The following ZNF254 variants were observed in gnomAD, a reference collection of about 807,000 sequenced individuals.
The protein encoded by ZNF254 is zinc finger protein 254.
In ZNF254, 10 loss-of-function variants were observed where a neutral mutation model predicts 12.4. The ratio of observed to expected loss-of-function variants is 0.80; its 90% CI spans 0.50 to 1.36. The LOEUF is 1.36. Ranked by LOEUF, ZNF254 falls within the 40% of genes most tolerant of loss-of-function variation. The probability of loss-of-function intolerance (pLI) is 0.00; values close to 1 mark genes in which losing one functional copy is unlikely to be tolerated. For synonymous variants in ZNF254, 305 were observed against 253.4 expected (o/e 1.20, Z -1.93); for missense variants, 996 against 763.9 (o/e 1.30, Z -3.58).
chr19:24,123,515 A>G (rs929522537), intron 3 of ZNF254, among the ~76,000 whole-genome samples: 6 of 152,086 alleles, frequency 3.9e-5, no homozygotes, highest in Non-Finnish European at 8.8e-5. Context: ...ATATCTTGCT[A>G]TAATTGTATT....
intron 2 of ZNF254, chr19:24,066,697 A>G (rs1971282696): frequency 9.0e-6 from 1 of 110,762 alleles, no homozygotes; most frequent in Non-Finnish European, 1.7e-5. Flanking sequence ...ACAAAACAAA[A>G]CAAAACAAAA....
At chr19:24,123,597 C>G (rs1218165289) in intron 3 of ZNF254, among the ~76,000 whole-genome samples, 3 of 152,004 alleles carry the variant, frequency 2.0e-5, no homozygotes, top group Non-Finnish European at 4.4e-5. Flanking sequence ...GAGACACACA[C>G]ACACACACCT....
At chr19:24,100,827 C>CTTT (rs1199496892) in intron 1 of ZNF254, among the ~76,000 whole-genome samples, 3 of 129,870 alleles carry the variant, frequency 2.3e-5, no homozygotes, top group East Asian at 4.4e-4. Context: ...GTTGTGTCAG[C>CTTT]TTTTTTTTTT....
At chr19:24,045,737 TC>T (rs1970360547) in intron 1 of ZNF254, among the ~76,000 whole-genome samples, 1 of 150,752 alleles carries the variant, frequency 6.6e-6, no homozygotes, top group African/African-American at 2.4e-5. Flanking sequence ...GCGCTAGCCA[TC>T]TCTCGGTCGC....
intron 1 of ZNF254, among the ~76,000 whole-genome samples, chr19:24,089,222 C>T (rs562252588): frequency 1.3e-5 from 2 of 152,200 alleles, no homozygotes; most frequent in Middle Eastern, 3.4e-3. Flanking sequence ...GTGATACGCC[C>T]GCCTTGGCCT....
At chr19:24,120,449 T>A (rs975893727) in intron 3 of ZNF254, among the ~76,000 whole-genome samples, 3 of 152,170 alleles carry the variant, frequency 2.0e-5, no homozygotes, top group Non-Finnish European at 2.9e-5. Context: ...AAAATTATTT[T>A]GTGTATTAAC....
chr19:24,039,326 T>G (rs11880244), intron 1 of ZNF254, among the ~76,000 whole-genome samples: 24,325 of 152,234 alleles, frequency 0.16, 2,122 homozygotes, highest in Middle Eastern at 0.23. Context: ...CCAAGGGAAG[T>G]TAGGGCCACA....
At chr19:24,120,935 C>T (rs533717437) in intron 3 of ZNF254, among the ~76,000 whole-genome samples, 9 of 152,048 alleles carry the variant, frequency 5.9e-5, no homozygotes, top group East Asian at 3.9e-4. Context: ...TGCAAACTCT[C>T]GCTGTATTAT....
intron 2 of ZNF254, among the ~76,000 whole-genome samples, chr19:24,067,610 C>T (rs947309064): frequency 6.6e-6 from 1 of 152,014 alleles, no homozygotes; most frequent in African/African-American, 2.4e-5. Context: ...GGGTCTTTTA[C>T]CTAGGTGATG....
At chr19:24,106,668 T>C (rs754487481) in intron 3 of ZNF254, 25 bp downstream of exon 3, 2 of 1,546,634 alleles carry the variant, frequency 1.3e-6, no homozygotes, top group South Asian at 2.2e-5. Context: ...ATACAACAGA[T>C]GACATGGATG....
chr19:24,090,051 A>T (rs981761907), intron 1 of ZNF254, among the ~76,000 whole-genome samples: 1 of 150,130 alleles, frequency 6.7e-6, no homozygotes, highest in Admixed American at 6.7e-5. Flanking sequence ...AAAAAAAAAA[A>T]GCTGGGTGTA....
At chr19:24,046,438 A>G (rs1970395245) in intron 2 of ZNF254, among the ~76,000 whole-genome samples, 1 of 147,112 alleles carries the variant, frequency 6.8e-6, no homozygotes, top group Non-Finnish European at 1.5e-5. Flanking sequence ...TGATTCTATC[A>G]GATAATCAGA....
chr19:24,117,541 G>C (rs753983698), intron 3 of ZNF254, among the ~76,000 whole-genome samples: 1 of 152,154 alleles, frequency 6.6e-6, no homozygotes, highest in Non-Finnish European at 1.5e-5. Flanking sequence ...ATTTAAGCCC[G>C]TCGGAAAAGC....
At chr19:24,106,185 G>A (rs1973331232) in intron 2 of ZNF254, 119 bp downstream of exon 2, 15 of 1,318,536 alleles carry the variant, frequency 1.1e-5, no homozygotes, top group Non-Finnish European at 1.5e-5. Context: ...CTGGGGATTT[G>A]TCTGTTGAGA....
At chr19:24,039,750 A>G (rs1165740766) in intron 1 of ZNF254, among the ~76,000 whole-genome samples, 1 of 152,200 alleles carries the variant, frequency 6.6e-6, no homozygotes, top group East Asian at 1.9e-4. Flanking sequence ...AATTAAGAGT[A>G]ATGTGATCAG....
At chr19:24,099,534 A>T (rs1297493813) in intron 1 of ZNF254, among the ~76,000 whole-genome samples, 1 of 152,190 alleles carries the variant, frequency 6.6e-6, no homozygotes, top group Non-Finnish European at 1.5e-5. Flanking sequence ...AAAAGACAGC[A>T]CCCTTTTCAG....
chr19:24,106,420 T>G (rs1001370622), intron 2 of ZNF254, 128 bp from the exon 3 acceptor site: 24 of 670,146 alleles, frequency 3.6e-5, no homozygotes, highest in Non-Finnish European at 5.3e-5. Flanking sequence ...TAAAAATTTC[T>G]GTTATAAATT....
At chr19:24,035,517 A>T (rs1318302013) in intron 1 of ZNF254, among the ~76,000 whole-genome samples, 3 of 152,156 alleles carry the variant, frequency 2.0e-5, no homozygotes, top group Non-Finnish European at 4.4e-5. Flanking sequence ...TAATATAAAA[A>T]TACAAAAAAT....
chr19:24,069,016 TC>T (rs1971382599), intron 2 of ZNF254, among the ~76,000 whole-genome samples: 1 of 152,056 alleles, frequency 6.6e-6, no homozygotes. Context: ...TCTTTTCTTT[TC>T]TTTCTTGGAG....
Sources: allele counts gnomAD v4.1 joint callset (sites outside exome capture counted in the v4.1 genomes callset), GRCh38; gene constraint gnomAD v4.1.1; transcripts MANE v1.5; gene names NCBI Gene and HGNC (gene_info 2026-07-23, HGNC 2026-07-21).